Variants in SMYD3 observed in about 807,000 individuals in gnomAD.
SMYD3 encodes histone-lysine N-methyltransferase SMYD3.
Under a neutral mutation model 57.7 loss-of-function variants are expected in SMYD3, and 36 were observed. The observed-to-expected ratio is 0.62, with a 90% CI of 0.48 to 0.82. The LOEUF (loss-of-function observed/expected upper bound fraction) is 0.82, where lower values mean the gene tolerates loss of function less well. Ranked by LOEUF, SMYD3 falls within the 40% of genes least tolerant of loss-of-function variation. The probability of loss-of-function intolerance (pLI) is 0.00; values close to 1 mark genes in which losing one functional copy is unlikely to be tolerated. For synonymous variants in SMYD3, 211 were observed against 195.0 expected, an observed-to-expected ratio of 1.08 and a Z score of -0.68; for missense variants, 515 against 538.8, an observed-to-expected ratio of 0.96 and a Z score of 0.44.
At chr1:246,146,969 G>A (rs562633002) in intron 5 of SMYD3, among the ~76,000 whole-genome samples, 4 of 152,180 alleles carry the variant, frequency 2.6e-5, no homozygotes, top group Admixed American at 2.6e-4. Context: ...GAGACAGGCC[G>A]TTTTCTTGTT....
At chr1:246,234,786 C>CA (rs1192486294) in intron 5 of SMYD3, among the ~76,000 whole-genome samples, 1 of 152,116 alleles carries the variant, frequency 6.6e-6, no homozygotes, top group Non-Finnish European at 1.5e-5. Context: ...AAATCAGTTA[C>CA]AGCTTAGACA....
chr1:245,875,523 A>G (rs1160361962), intron 8 of SMYD3, among the ~76,000 whole-genome samples: 3 of 152,146 alleles, frequency 2.0e-5, no homozygotes, highest in Non-Finnish European at 4.4e-5. Flanking sequence ...CAAACCTCAA[A>G]TCTGTCCCCA....
chr1:245,932,119 G>C (rs2056758588), intron 5 of SMYD3, among the ~76,000 whole-genome samples: 1 of 152,134 alleles, frequency 6.6e-6, no homozygotes, highest in Non-Finnish European at 1.5e-5. Flanking sequence ...ATATTTTAAA[G>C]TATAATGAGA....
intron 5 of SMYD3, among the ~76,000 whole-genome samples, chr1:246,018,927 C>A (rs928867334): frequency 6.6e-6 from 1 of 152,184 alleles, no homozygotes; most frequent in Non-Finnish European, 1.5e-5. Context: ...TTAGTTTACG[C>A]TGTATGTGTG....
chr1:246,368,788 T>C (rs114218708), intron 1 of SMYD3, among the ~76,000 whole-genome samples: 1,901 of 151,502 alleles, frequency 0.013, 45 homozygotes, highest in African/African-American at 0.043. Context: ...ACTGGCTTAG[T>C]CTCCCGACCT....
At chr1:246,472,157 A>G (rs2067969309) in intron 1 of SMYD3, among the ~76,000 whole-genome samples, 1 of 152,124 alleles carries the variant, frequency 6.6e-6, no homozygotes, top group Non-Finnish European at 1.5e-5. Context: ...CCTCAGAAAA[A>G]CACACACACC....
rs146207797 is a variant in SMYD3 at position 246,215,955 on chromosome 1, G to A, written c.531+111246C>T. ...ACAGTCAATAACTCACAAGGAAACC[G>A]AATAGAGAGCGAAAGATGGAGCACT... On this transcript the variant is annotated intron_variant, in intron 5 of 11. Coordinates refer to ENST00000490107, the MANE Select transcript of SMYD3 (RefSeq NM_001167740.2). Among the ~76,000 whole-genome samples, 304 of 152,130 alleles carry A rather than the reference G, an allele frequency of 2.0e-3. 4 individuals carry two copies. The highest frequency in any genetic ancestry group is 6.8e-3 in the African/African-American group (283 of 41,464).
intron 5 of SMYD3, among the ~76,000 whole-genome samples, chr1:246,072,039 C>T (rs555501110): frequency 2.6e-5 from 1 of 38,180 alleles, no homozygotes; most frequent in Non-Finnish European, 4.3e-5. Flanking sequence ...CGTGTGCTTT[C>T]CGCTGTGCTC....
At chr1:246,501,675 C>T (rs757101805) in intron 1 of SMYD3, among the ~76,000 whole-genome samples, 3 of 152,226 alleles carry the variant, frequency 2.0e-5, no homozygotes, top group Admixed American at 1.3e-4. Flanking sequence ...TTCCCGTCCC[C>T]TCTCTCCGTC....
chr1:245,941,724 T>A (rs2057253408), intron 5 of SMYD3, among the ~76,000 whole-genome samples: 1 of 152,116 alleles, frequency 6.6e-6, no homozygotes, highest in African/African-American at 2.4e-5. Flanking sequence ...GTTTTCAACA[T>A]GTTGGCCAGG....
At chr1:246,447,189 G>A (rs1171030211) in intron 1 of SMYD3, among the ~76,000 whole-genome samples, 8 of 152,132 alleles carry the variant, frequency 5.3e-5, no homozygotes, top group South Asian at 2.1e-4. Flanking sequence ...CATTTCCTTC[G>A]GAAACCAGAT....
chr1:246,092,035 GC>G (rs1341849634), intron 5 of SMYD3, among the ~76,000 whole-genome samples: 2 of 151,816 alleles, frequency 1.3e-5, no homozygotes, highest in Non-Finnish European at 2.9e-5. Flanking sequence ...AGTATATGTA[GC>G]TTTTACTAAT....
At chr1:246,119,314 G>A (rs528275815) in intron 5 of SMYD3, among the ~76,000 whole-genome samples, 78 of 151,918 alleles carry the variant, frequency 5.1e-4, no homozygotes, top group Non-Finnish European at 1.0e-3. Context: ...TCTCCTATTT[G>A]AGAGTATAAA....
chr1:246,337,929 GT>G (rs1473424321), intron 2 of SMYD3, among the ~76,000 whole-genome samples: 10 of 151,360 alleles, frequency 6.6e-5, no homozygotes, highest in African/African-American at 2.2e-4. Flanking sequence ...GAAAATTCCT[GT>G]TAAAACAACT....
chr1:245,795,099 C>G (rs1000562549), intron 10 of SMYD3, among the ~76,000 whole-genome samples: 7 of 152,144 alleles, frequency 4.6e-5, no homozygotes, highest in African/African-American at 1.7e-4. Flanking sequence ...CCATTTGCAT[C>G]CTACCCCCAC....
intron 5 of SMYD3, among the ~76,000 whole-genome samples, chr1:246,032,861 C>T (rs899136849): frequency 1.3e-5 from 2 of 152,124 alleles, no homozygotes; most frequent in African/African-American, 2.4e-5. Context: ...GACATGGGTT[C>T]AAGTACTGGC....
intron 5 of SMYD3, among the ~76,000 whole-genome samples, chr1:245,993,647 C>T (rs112060100): frequency 6.9e-6 from 1 of 145,558 alleles, no homozygotes; most frequent in Admixed American, 6.9e-5. Context: ...GACAGACAGA[C>T]AGACAGACAG....
chr1:246,104,596 T>C lies in SMYD3; in HGVS notation c.532-174659A>G, dbSNP rs142197093. 3.6e-4 allele frequency among the ~76,000 whole-genome samples: 55 copies of C among 152,230 alleles called. 1 individual carries two copies. The highest frequency in any genetic ancestry group is 3.4e-3 in the Middle Eastern group (1 of 294). On this transcript the variant is annotated intron_variant, in intron 5 of 11. Coordinates refer to ENST00000490107, the MANE Select transcript of SMYD3 (RefSeq NM_001167740.2). ...TGGGGCAAGAGCTGCAGGCTGGTCA[T>C]GTTGCAATAGGACGATATTCGTCTG...
intron 5 of SMYD3, among the ~76,000 whole-genome samples, chr1:246,255,238 C>T (rs1337325368): frequency 6.6e-6 from 1 of 151,758 alleles, no homozygotes; most frequent in Non-Finnish European, 1.5e-5. Context: ...AGTTTTTGTC[C>T]ATTCAGGATA....
Sources: allele counts gnomAD v4.1 joint callset (sites outside exome capture counted in the v4.1 genomes callset), GRCh38; gene constraint gnomAD v4.1.1; transcripts MANE v1.5; gene names NCBI Gene and HGNC (gene_info 2026-07-23, HGNC 2026-07-21).